Variants in USP8 observed in about 807,000 individuals in gnomAD.
USP8 encodes the protein ubiquitin specific peptidase 8, also known as ubiquitin carboxyl-terminal hydrolase 8.
In USP8, 27 loss-of-function variants were observed where a neutral mutation model predicts 130.0. That is an observed-to-expected ratio of 0.21 (90% CI 0.15 to 0.29). USP8 has a LOEUF of 0.29. USP8 is among the 10% of genes least tolerant of loss of function. USP8 has a pLI of 1.00. For missense variants in USP8, 1,029 were observed against 1,312.2 expected (o/e 0.78, Z 3.33); for synonymous variants, 392 against 444.1 (o/e 0.88, Z 1.48).
intron 18 of USP8, 82 bp downstream of exon 18, chr15:50,497,313 T>C: frequency 1.3e-6 from 2 of 1,490,582 alleles, no homozygotes; most frequent in Non-Finnish European, 1.8e-6. Flanking sequence ...CTTGTTGTAC[T>C]GCCTGCCATG....
rs1425508071 is a variant in USP8, at chr15:50,509,843, A to C, written c.*10755A>C. On this transcript the variant is annotated 3_prime_UTR_variant, in exon 20 of 20. Coordinates refer to ENST00000307179, the MANE Select transcript of USP8 (RefSeq NM_005154.5). ...TAAGTTACCAAAATGACTGAAGAGA[A>C]ATACATGGCTCACACCTATATTTTT... is the stretch of plus-strand genomic sequence containing the variant. 2 of 152,136 alleles carry C rather than the reference A, an allele frequency of 1.3e-5. No homozygotes were observed. The highest frequency in any genetic ancestry group is 2.9e-5 in the Non-Finnish European group (2 of 68,022). The allele number at this position is 152,136 out of a possible 1,614,324, so 9.4% of individuals were successfully genotyped here.
intron 1 of USP8, among the ~76,000 whole-genome samples, chr15:50,434,864 C>T (rs2050049622): frequency 6.6e-6 from 1 of 152,172 alleles, no homozygotes; most frequent in Non-Finnish European, 1.5e-5. Flanking sequence ...AAGGAATCCA[C>T]CTGCCTCGGC....
chr15:50,492,934 T>C (rs2052232461), intron 15 of USP8, 21 bp downstream of exon 15: 1 of 1,602,176 alleles, frequency 6.2e-7, no homozygotes. Flanking sequence ...GTCATACTTT[T>C]TGCATTATAA....
intron 3 of USP8, 98 bp downstream of exon 3, chr15:50,441,591 C>A: frequency 1.0e-6 from 1 of 997,774 alleles, no homozygotes; most frequent in Non-Finnish European, 1.4e-6. Flanking sequence ...AAATGTAGCT[C>A]AAATTATATG....
rs577713639 is a variant in USP8 at position 50,468,489 on chromosome 15, G to A, written c.687-3144G>A. 4.7e-4 allele frequency among the ~76,000 whole-genome samples: 69 copies of A among 146,206 alleles called. 1 individual carries two copies. Among genetic ancestry groups the A allele is most frequent in the African/African-American group, 1.3e-3 (51 of 39,506 alleles). On this transcript the variant is annotated intron_variant, in intron 7 of 19. Coordinates refer to ENST00000307179, the MANE Select transcript of USP8 (RefSeq NM_005154.5). ...AACTCCTGGCCTCAAGTGATCCACCGGCATCGGCTTCCCAAAGTGCTGGGA... is the reference window on the plus strand; with the variant it reads ...AACTCCTGGCCTCAAGTGATCCACCAGCATCGGCTTCCCAAAGTGCTGGGA...
rs2141317340 is a variant in USP8, at chr15:50,490,309, C to G, written c.2018C>G (p.Thr673Ser). The G allele has an allele frequency of 6.2e-7, 1 of 1,613,822 alleles. No individual in the cohort carries two copies. The highest frequency in any genetic ancestry group is 8.5e-7 in the Non-Finnish European group (1 of 1,179,976). ...TGTFRYYHSP[T>S]NTVHMYPPEM... ...ACCTTTCGTTATTATCATTCACCCA[C>G]CAACACTGTTCATATGTACCCACCG... is the stretch of plus-strand genomic sequence containing the variant. The change falls in exon 14 of 20, where the codon ACC becomes AGC. Residue 673 changes from threonine to serine, a missense_variant. By Grantham distance (58) the Thr-to-Ser change is moderately conservative. Around this residue, in one of 4 missense-constraint regions of USP8, gnomAD observed 486 missense variants for 522.0 expected, o/e 0.93. Coordinates refer to ENST00000307179, the MANE Select transcript of USP8 (RefSeq NM_005154.5).
At chr15:50,428,571 A>T (rs1165977701) in intron 1 of USP8, among the ~76,000 whole-genome samples, 2 of 151,472 alleles carry the variant, frequency 1.3e-5, no homozygotes, top group African/African-American at 2.4e-5. Flanking sequence ...AGTTTAACTT[A>T]TAAATTAGTA....
At chr15:50,454,775 A>G (rs1195123846) in intron 4 of USP8, among the ~76,000 whole-genome samples, 2 of 147,314 alleles carry the variant, frequency 1.4e-5, no homozygotes, top group South Asian at 2.2e-4. Flanking sequence ...AATATTTATC[A>G]CTCTTTCATC....
chr15:50,457,817 TGC>T (rs1316015798), intron 4 of USP8, among the ~76,000 whole-genome samples: 1 of 142,528 alleles, frequency 7.0e-6, no homozygotes, highest in East Asian at 2.0e-4. Context: ...ACCGAGATCA[TGC>T]CAGTGCACTC....
Position 50,507,914 on chromosome 15 carries a change from C to T in USP8, c.*8826C>T. On this transcript the variant is annotated 3_prime_UTR_variant, in exon 20 of 20. Coordinates refer to ENST00000307179, the MANE Select transcript of USP8 (RefSeq NM_005154.5). ...AGAAACCCCGTCTCTACTAAAAATA[C>T]AAAAAATTAGCTGGGCATGGTGTCG... 6.6e-6 allele frequency: 1 copy of T among 151,492 alleles called. No homozygotes were observed. The highest frequency in any genetic ancestry group is 1.5e-5 in the Non-Finnish European group (1 of 67,892). 9.4% of individuals were successfully genotyped at this position (151,492 alleles called of 1,614,324 possible).
At chr15:50,468,276 C>T (rs939529709) in intron 7 of USP8, among the ~76,000 whole-genome samples, 1 of 130,338 alleles carries the variant, frequency 7.7e-6, no homozygotes, top group Non-Finnish European at 1.6e-5. Flanking sequence ...TGCTGTGTTG[C>T]TCAGGCTGGA....
intron 11 of USP8, among the ~76,000 whole-genome samples, chr15:50,483,749 G>A (rs2051854950): frequency 6.6e-6 from 1 of 151,476 alleles, no homozygotes; most frequent in South Asian, 2.1e-4. Context: ...AGCCAAGATC[G>A]TGCCACTGCA....
At chr15:50,443,755 TC>T (rs2050333795) in intron 3 of USP8, among the ~76,000 whole-genome samples, 1 of 152,160 alleles carries the variant, frequency 6.6e-6, no homozygotes, top group African/African-American at 2.4e-5. Flanking sequence ...GTGCTGGGAT[TC>T]CAGGCTTGAG....
rs1225390796 is a variant in USP8 at position 50,512,985 on chromosome 15, G to T, written c.*13897G>T. The T allele has an allele frequency of 5.3e-5, 8 of 152,108 alleles. No homozygotes were observed. The highest frequency in any genetic ancestry group is 2.1e-4 in the South Asian group (1 of 4,832). The allele number at this position is 152,108 out of a possible 1,614,324, so 9.4% of individuals were successfully genotyped here. On this transcript the variant is annotated 3_prime_UTR_variant, in exon 20 of 20. Coordinates refer to ENST00000307179, the MANE Select transcript of USP8 (RefSeq NM_005154.5). ...TAACAAGGATCTAGAACATGTAAATGACTCTTTCCAATCAATAAGAAGAAA... is the reference window on the plus strand; with the variant it reads ...TAACAAGGATCTAGAACATGTAAATTACTCTTTCCAATCAATAAGAAGAAA...
At chr15:50,486,610 T>C (rs1163486252) in intron 12 of USP8, among the ~76,000 whole-genome samples, 1 of 152,212 alleles carries the variant, frequency 6.6e-6, no homozygotes, top group East Asian at 1.9e-4. Flanking sequence ...CCCATTGATA[T>C]TTATACAAAA....
At chr15:50,434,399 G>A (rs1010193154) in intron 1 of USP8, among the ~76,000 whole-genome samples, 7 of 151,384 alleles carry the variant, frequency 4.6e-5, no homozygotes, top group Non-Finnish European at 1.0e-4. Flanking sequence ...CACCACGCCC[G>A]GCTGCATTTT....
intron 17 of USP8, 133 bp from the exon 18 acceptor site, chr15:50,496,956 G>A: frequency 6.0e-6 from 7 of 1,161,626 alleles, no homozygotes; most frequent in Non-Finnish European, 6.0e-6. Flanking sequence ...CAAGCTTTGG[G>A]AAGGCAGGAA....
rs762066149 is a variant in USP8 at position 50,498,941 on chromosome 15, C to T, written c.3210C>T (p.Ala1070=). Residue 1070 remains alanine, a synonymous_variant, in exon 20 of 20, where the codon GCC becomes GCT. Transcript: ENST00000307179. ...GGCTGGATGGAGGCCACTACACAGC[C>T]TATTGTAAAAATGCAGCAAGACAAC... ...YGGLDGGHYT[A]YCKNAARQRW... is the part of the protein sequence containing the mutation. 1.9e-6 allele frequency: 3 copies of T among 1,613,760 alleles called. No individual in the cohort carries two copies. The East Asian group carries it at 6.7e-5, about 36-fold the overall frequency.
rs1595980589 is a variant in USP8, at chr15:50,489,687, A to G, written c.1891-114A>G. The stretch of plus-strand genomic sequence containing the variant: ...TAAAATATGAAGGGCAGCCAAGGCA[A>G]GGTTTTTTGATTCTTTGGTACAAGT... On this transcript the variant is annotated intron_variant, in intron 12 of 19. Transcript: ENST00000307179. The G allele has an allele frequency of 6.7e-6, 4 of 600,838 alleles. No homozygotes were observed. In the East Asian group the frequency reaches 1.6e-4, roughly 24 times the overall value. The allele number at this position is 600,838 out of a possible 1,614,324, so 37.2% of individuals were successfully genotyped here.
Sources: allele counts gnomAD v4.1 joint callset (sites outside exome capture counted in the v4.1 genomes callset), GRCh38; gene constraint gnomAD v4.1.1; regional missense constraint gnomAD v4.1.1; transcripts MANE v1.5; gene names NCBI Gene and HGNC (gene_info 2026-07-23, HGNC 2026-07-21).